Variants in TMBIM1 observed in about 807,000 individuals in gnomAD.
The protein encoded by TMBIM1 is transmembrane BAX inhibitor motif containing 1, also known as protein lifeguard 3.
TMBIM1 carries 34 observed loss-of-function variants against 45.1 expected under a neutral mutation model. The observed-to-expected ratio is 0.75, with a 90% confidence interval of 0.57 to 1.00. The LOEUF (loss-of-function observed/expected upper bound fraction) is 1.00, where lower values mean the gene tolerates loss of function less well. Among genes scored for constraint, TMBIM1 ranks in the 50% least tolerant of loss-of-function variants. TMBIM1 has a pLI of 0.00. For missense variants in TMBIM1, 374 were observed against 402.4 expected (o/e 0.93, Z 0.60); for synonymous variants, 157 against 153.5 (o/e 1.02, Z -0.17).
intron 10 of TMBIM1, 140 bp from the exon 11 acceptor site, chr2:218,276,219 C>G: frequency 1.2e-6 from 1 of 859,022 alleles, no homozygotes; most frequent in South Asian, 1.6e-5. Context: ...ACTGCCTTTC[C>G]AGATCTTGGA....
intron 10 of TMBIM1, among the ~76,000 whole-genome samples, chr2:218,276,421 G>T (rs115600187): frequency 2.0e-5 from 3 of 152,144 alleles, no homozygotes; most frequent in Non-Finnish European, 2.9e-5. Context: ...GCCCAGCCTG[G>T]GAGGGGTAGA....
At chr2:218,289,139 G>A (rs1306018962) in intron 1 of TMBIM1, among the ~76,000 whole-genome samples, 1 of 152,204 alleles carries the variant, frequency 6.6e-6, no homozygotes, top group Non-Finnish European at 1.5e-5. Context: ...TGGGGCCAAG[G>A]CAGTAAAGAT....
intron 2 of TMBIM1, chr2:218,280,676 A>G: frequency 6.4e-6 from 1 of 155,666 alleles, no homozygotes; most frequent in Non-Finnish European, 1.4e-5. Context: ...TCTGGGGTTC[A>G]GAGATGCTGC....
chr2:218,280,432 G>T, intron 2 of TMBIM1: 1 of 341,728 alleles, frequency 2.9e-6, no homozygotes, highest in Non-Finnish European at 5.6e-6. Flanking sequence ...GGCAGGAGCA[G>T]GTATGGGCAT....
intron 6 of TMBIM1, 120 bp from the exon 7 acceptor site, chr2:218,278,094 G>T: frequency 8.3e-7 from 1 of 1,201,786 alleles, no homozygotes; most frequent in Non-Finnish European, 1.2e-6. Flanking sequence ...ACTCCAAGGA[G>T]GGAGGTTGGC....
At position 218,281,972 on chromosome 2, in the gene TMBIM1, A is replaced by T. The variant is rs1435780091; in HGVS notation, c.170T>A (p.Met57Lys). Residue 57 changes from methionine (M) to lysine (K), a missense_variant, in exon 2 of 12, where the codon ATG (methionine) becomes AAG (lysine). Coordinates refer to ENST00000258412, the MANE Select transcript of TMBIM1 (RefSeq NM_022152.6). ...YGHPAGYPQP[M>K]PPTHPMPMNY... ...CATGGGCATCGGGTGGGTGGGGGGC[A>T]TGGGCTGTGGGTAGCCAGCAGGGTG... 1 of 1,604,500 alleles carries T rather than the reference A, an allele frequency of 6.2e-7. No individual in the cohort carries two copies. Among genetic ancestry groups the T allele is most frequent in the Non-Finnish European group, 8.5e-7 (1 of 1,176,654 alleles).
intron 10 of TMBIM1, 88 bp downstream of exon 10, chr2:218,276,916 G>A: frequency 9.1e-7 from 1 of 1,095,980 alleles, no homozygotes; most frequent in Non-Finnish European, 1.4e-6. Context: ...CCTGCCCCGG[G>A]GACCTTTGGG....
At chr2:218,276,187 A>C (rs1008195193) in intron 10 of TMBIM1, 108 bp from the exon 11 acceptor site, 4 of 1,198,260 alleles carry the variant, frequency 3.3e-6, no homozygotes, top group Non-Finnish European at 4.8e-6. Context: ...AGAGCTGGGA[A>C]GCTAGCTCTC....
In TMBIM1 at chr2:218,279,018, A is replaced by G; in HGVS notation, c.422+20T>C. 6.2e-7 allele frequency: 1 copy of G among 1,613,808 alleles called. No individual in the cohort carries two copies. Among genetic ancestry groups the G allele is most frequent in the Non-Finnish European group, 8.5e-7 (1 of 1,179,836 alleles). ...GCCACCCCTGCCTCCCTGCCCAACC[A>G]CAGAGGAGCACACACTCACTAGGAC... On this transcript the variant is annotated intron_variant, in intron 5 of 11. Coordinates refer to ENST00000258412, the MANE Select transcript of TMBIM1 (RefSeq NM_022152.6).
intron 1 of TMBIM1, chr2:218,286,228 C>G (rs1692496409): frequency 6.6e-6 from 1 of 151,974 alleles, no homozygotes; most frequent in African/African-American, 2.4e-5. Flanking sequence ...TTGGTAGAAA[C>G]GGGGTTTCAC....
chr2:218,286,763 G>A (rs561419218), intron 1 of TMBIM1: 2 of 152,324 alleles, frequency 1.3e-5, no homozygotes, highest in Non-Finnish European at 1.5e-5. Flanking sequence ...GTTACAGCAA[G>A]AGGAGAGTAT....
Position 218,279,009 on chromosome 2 carries a change from T to G in TMBIM1, c.422+29A>C, listed in dbSNP as rs750288970. ...ACAGAAGCTGCCACCCCTGCCTCCC[T>G]GCCCAACCACAGAGGAGCACACACT... On this transcript the variant is annotated intron_variant, in intron 5 of 11. Transcript: ENST00000258412. The G allele has an allele frequency of 1.9e-6, 3 of 1,613,742 alleles. No individual in the cohort carries two copies. The African/African-American group carries it at 4.0e-5, about 22-fold the overall frequency.
In TMBIM1 at chr2:218,278,721, C is replaced by T. The variant is rs1248126928; in HGVS notation, c.423-156G>A. ...GAACGAGATTACCCCCAGCCAGGGT[C>T]ACTGAGATGCTCTGAAGCACCAGGC... is the stretch of plus-strand genomic sequence containing the variant. On this transcript the variant is annotated intron_variant, in intron 5 of 11. Transcript: ENST00000258412. Among the ~76,000 whole-genome samples, 3 of 152,206 alleles carry T rather than the reference C, an allele frequency of 2.0e-5. No homozygotes were observed. In the East Asian group the frequency reaches 5.8e-4, roughly 29 times the overall value.
At chr2:218,278,098 G>A (rs1016858794) in intron 6 of TMBIM1, 124 bp from the exon 7 acceptor site, 3 of 1,109,860 alleles carry the variant, frequency 2.7e-6, no homozygotes, top group African/African-American at 3.1e-5. Context: ...CAAGGAGGGA[G>A]GTTGGCATGG....
intron 1 of TMBIM1, among the ~76,000 whole-genome samples, chr2:218,283,366 T>C (rs961690274): frequency 6.6e-6 from 1 of 152,236 alleles, no homozygotes; most frequent in Non-Finnish European, 1.5e-5. Flanking sequence ...CTTCATGTTA[T>C]GCGGTGCTCT....
intron 1 of TMBIM1, among the ~76,000 whole-genome samples, chr2:218,283,074 A>C (rs1488087418): frequency 6.6e-6 from 1 of 152,158 alleles, no homozygotes; most frequent in African/African-American, 2.4e-5. Context: ...TTCCAGGTGC[A>C]GTGCTAGCAG....
chr2:218,288,481 T>C (rs1183480752), intron 1 of TMBIM1, among the ~76,000 whole-genome samples: 9 of 152,174 alleles, frequency 5.9e-5, no homozygotes, highest in African/African-American at 1.4e-4. Flanking sequence ...CTTAGAGTAG[T>C]TGAACCACTT....
intron 10 of TMBIM1, 37 bp downstream of exon 10, chr2:218,276,967 C>G: frequency 6.3e-7 from 1 of 1,578,408 alleles, no homozygotes; most frequent in South Asian, 1.1e-5. Flanking sequence ...GCCCTGAGCA[C>G]TGGGTTCCCT....
chr2:218,277,639 A>G lies in TMBIM1; in HGVS notation c.545T>C (p.Ile182Thr), dbSNP rs1691362119. ...GCTTTATCCCTGAATGTACCTGGAAATGGTGCCCGTCATGAAGCCCATGGC... is the reference window on the plus strand; with the variant it reads ...GCTTTATCCCTGAATGTACCTGGAAGTGGTGCCCGTCATGAAGCCCATGGC... Reference protein sequence around the residue: ...TFAMGFMTGTISSMYQTKAVI... With the variant: ...TFAMGFMTGTTSSMYQTKAVI... Residue 182 changes from isoleucine to threonine, a missense_variant, in exon 8 of 12, where the codon ATT becomes ACT. By Grantham distance (89) the Ile-to-Thr change is moderately conservative. Transcript: ENST00000258412. The G allele has an allele frequency of 1.2e-6, 2 of 1,614,090 alleles. No homozygotes were observed. Among genetic ancestry groups the G allele is most frequent in the African/African-American group, 2.7e-5 (2 of 74,932 alleles).
Sources: gnomAD v4.1 joint callset for allele counts (sites outside exome capture counted in the v4.1 genomes callset) on GRCh38, gnomAD v4.1.1 for gene constraint, MANE v1.5 for transcripts, NCBI Gene and HGNC (gene_info 2026-07-23, HGNC 2026-07-21) for gene names.